Variants in CCSER1 observed in about 807,000 individuals in gnomAD.
CCSER1 encodes the protein coiled-coil serine rich protein 1, also known as serine-rich coiled-coil domain-containing protein 1.
Under a neutral mutation model 82.0 loss-of-function variants are expected in CCSER1, and 41 were observed. The ratio of observed to expected loss-of-function variants is 0.50; its 90% CI spans 0.39 to 0.65. The LOEUF (loss-of-function observed/expected upper bound fraction) is 0.65, where lower values mean the gene tolerates loss of function less well. Among genes scored for constraint, CCSER1 ranks in the 30% least tolerant of loss-of-function variants. The pLI is 0.00. For synonymous variants in CCSER1, 414 were observed against 383.9 expected, an observed-to-expected ratio of 1.08 and a Z score of -0.92; for missense variants, 1,119 against 1,064.2, an observed-to-expected ratio of 1.05 and a Z score of -0.72.
intron 9 of CCSER1, among the ~76,000 whole-genome samples, chr4:91,037,824 A>G (rs1047867774): frequency 6.6e-6 from 1 of 152,056 alleles, no homozygotes; most frequent in Non-Finnish European, 1.5e-5. Flanking sequence ...ATCTATATTT[A>G]GTAGGAAAAT....
At chr4:90,358,786 A>AGGGAATTT (rs1307020647) in intron 3 of CCSER1, among the ~76,000 whole-genome samples, 1 of 152,228 alleles carries the variant, frequency 6.6e-6, no homozygotes, top group Non-Finnish European at 1.5e-5. Flanking sequence ...AACAGGCATC[A>AGGGAATTT]GGGAATTGTC....
intron 6 of CCSER1, among the ~76,000 whole-genome samples, chr4:90,686,440 C>G (rs1579920557): frequency 6.6e-6 from 1 of 151,738 alleles, no homozygotes; most frequent in East Asian, 2.0e-4. Context: ...AATATTCTGC[C>G]CAGTATCCAT....
At chr4:91,465,947 T>C (rs943625663) in intron 10 of CCSER1, among the ~76,000 whole-genome samples, 2 of 152,100 alleles carry the variant, frequency 1.3e-5, no homozygotes, top group African/African-American at 4.8e-5. Flanking sequence ...GGTACCATTC[T>C]TTCTGAAACT....
chr4:90,297,935 G>A (rs1431692890), intron 1 of CCSER1, among the ~76,000 whole-genome samples: 1 of 152,172 alleles, frequency 6.6e-6, no homozygotes, highest in Admixed American at 6.5e-5. Context: ...TGTTCATCAA[G>A]GATATTGGTC....
intron 10 of CCSER1, among the ~76,000 whole-genome samples, chr4:91,462,839 G>A (rs1320030563): frequency 6.6e-6 from 1 of 152,158 alleles, no homozygotes; most frequent in Non-Finnish European, 1.5e-5. Flanking sequence ...TGAGGCTTGA[G>A]TAGGTAAACA....
intron 5 of CCSER1, among the ~76,000 whole-genome samples, chr4:90,524,624 A>T (rs1397093568): frequency 1.3e-5 from 2 of 151,984 alleles, no homozygotes; most frequent in Non-Finnish European, 2.9e-5. Context: ...GCGTGCCACT[A>T]CACCCAGCTA....
chr4:90,535,980 A>G (rs1200170331), intron 5 of CCSER1, among the ~76,000 whole-genome samples: 3 of 151,944 alleles, frequency 2.0e-5, no homozygotes, highest in Non-Finnish European at 4.4e-5. Context: ...ATTGTAACAT[A>G]ACATACAAAC....
intron 3 of CCSER1, among the ~76,000 whole-genome samples, chr4:90,374,389 C>G (rs1019460121): frequency 1.8e-4 from 28 of 152,256 alleles, no homozygotes; most frequent in Non-Finnish European, 3.5e-4. Context: ...GGACTTGTTG[C>G]AAATTCGCCT....
At chr4:90,437,949 G>A (rs987948631) in intron 4 of CCSER1, among the ~76,000 whole-genome samples, 1 of 152,136 alleles carries the variant, frequency 6.6e-6, no homozygotes, top group Non-Finnish European at 1.5e-5. Flanking sequence ...TTTGAGATAA[G>A]AGAGGCTTGG....
At chr4:90,900,350 A>G (rs776859454) in intron 8 of CCSER1, among the ~76,000 whole-genome samples, 4 of 151,508 alleles carry the variant, frequency 2.6e-5, no homozygotes, top group Admixed American at 2.0e-4. Flanking sequence ...ACTGAAATCT[A>G]TTTTTCTTGG....
chr4:90,506,566 C>G (rs1237084141), intron 5 of CCSER1, among the ~76,000 whole-genome samples: 1 of 151,962 alleles, frequency 6.6e-6, no homozygotes, highest in African/African-American at 2.4e-5. Context: ...AGTTCGAGAC[C>G]AGCCTAGGCA....
chr4:91,003,585 C>T (rs1398201427), intron 9 of CCSER1, among the ~76,000 whole-genome samples: 2 of 152,076 alleles, frequency 1.3e-5, no homozygotes, highest in African/African-American at 2.4e-5. Context: ...CCAACAGAAC[C>T]GAGTCTGTTT....
intron 3 of CCSER1, among the ~76,000 whole-genome samples, chr4:90,391,080 A>G (rs895247553): frequency 3.4e-4 from 50 of 145,882 alleles, no homozygotes; most frequent in South Asian, 2.2e-4. Flanking sequence ...CCTGGCCAAC[A>G]TGATGAAACT....
intron 6 of CCSER1, among the ~76,000 whole-genome samples, chr4:90,719,154 A>T (rs1185638948): frequency 6.6e-6 from 1 of 152,050 alleles, no homozygotes; most frequent in African/African-American, 2.4e-5. Flanking sequence ...GCTCCGCATC[A>T]TTGCCATTAC....
intron 9 of CCSER1, among the ~76,000 whole-genome samples, chr4:91,052,719 C>A (rs554465277): frequency 2.0e-5 from 3 of 152,234 alleles, no homozygotes; most frequent in South Asian, 4.1e-4. Context: ...TAATATCATA[C>A]TGTGAAAATA....
chr4:90,455,346 G>T (rs1762025747), intron 4 of CCSER1, among the ~76,000 whole-genome samples: 1 of 152,152 alleles, frequency 6.6e-6, no homozygotes, highest in Non-Finnish European at 1.5e-5. Context: ...AGGAATTCAA[G>T]ATACACTCTA....
chr4:90,248,114 T>TA (rs1337104115), intron 1 of CCSER1, among the ~76,000 whole-genome samples: 1 of 152,174 alleles, frequency 6.6e-6, no homozygotes, highest in African/African-American at 2.4e-5. Flanking sequence ...ATTAGATTTA[T>TA]AGGTTTCAAA....
Position 90,148,955 on chromosome 4 carries a change from C to G in CCSER1, c.-42+21124C>G, listed in dbSNP as rs751785980. On this transcript the variant is annotated intron_variant, in intron 1 of 10. Transcript: ENST00000509176. The stretch of plus-strand genomic sequence containing the variant: ...AGTAGGTCACACCCTAACTAAAAGA[C>G]ATGAATAATGACATGCATTTTAGAA... 3.9e-5 allele frequency among the ~76,000 whole-genome samples: 6 copies of G among 152,102 alleles called. No homozygotes were observed. The East Asian group carries it at 9.6e-4, about 24-fold the overall frequency.
chr4:90,470,401 A>G (rs1201798009), intron 5 of CCSER1, among the ~76,000 whole-genome samples: 1 of 152,202 alleles, frequency 6.6e-6, no homozygotes, highest in Non-Finnish European at 1.5e-5. Flanking sequence ...TATGGCAAGA[A>G]CAGAGTATAA....
Sources: gnomAD v4.1 joint callset for allele counts (sites outside exome capture counted in the v4.1 genomes callset) on GRCh38, gnomAD v4.1.1 for gene constraint, MANE v1.5 for transcripts, NCBI Gene and HGNC (gene_info 2026-07-23, HGNC 2026-07-21) for gene names.